The following ADGRG4 variants were observed in gnomAD, a reference collection of about 807,000 sequenced individuals.
ADGRG4 encodes the protein adhesion G protein-coupled receptor G4.
Under a neutral mutation model 126.2 loss-of-function variants are expected in ADGRG4, and 122 were observed. The observed-to-expected ratio is 0.97, with a 90% confidence interval of 0.83 to 1.12. The LOEUF is 1.12. Ranked by LOEUF, ADGRG4 falls within the 50% of genes most tolerant of loss-of-function variation. ADGRG4 has a pLI of 0.00. For synonymous variants in ADGRG4, 943 were observed against 838.7 expected (o/e 1.12, Z -2.15); for missense variants, 2,481 against 2,251.8 (o/e 1.10, Z -2.06).
At chrX:136,375,177 CT>C (rs1331173892) in intron 15 of ADGRG4, among the ~76,000 whole-genome samples, 11 of 111,566 alleles carry the variant, frequency 9.9e-5, no homozygotes, top group Non-Finnish European at 1.9e-4. Context: ...GAATAACAGC[CT>C]CTAGTTCCAT....
chrX:136,311,394 T>TACACACACACACACACAC (rs72201867), intron 4 of ADGRG4, among the ~76,000 whole-genome samples: 1 of 95,635 alleles, frequency 1.0e-5, no homozygotes, highest in African/African-American at 3.9e-5. Context: ...TCATACCATG[T>TACACACACACACACACAC]ACACACACAC....
chrX:136,324,063 T>A (rs2074857588), intron 5 of ADGRG4, among the ~76,000 whole-genome samples: 1 of 112,156 alleles, frequency 8.9e-6, no homozygotes, highest in Admixed American at 9.5e-5. Context: ...TGATGTTATA[T>A]TCTTCTCAGT....
chrX:136,349,048 C>A lies in ADGRG4; in HGVS notation c.5342C>A (p.Thr1781Lys). The A allele has an allele frequency of 8.3e-7, 1 of 1,206,005 alleles. No homozygotes were observed. Among genetic ancestry groups the A allele is most frequent in the East Asian group, 3.0e-5 (1 of 33,778 alleles). The change falls in exon 6 of 26, where the codon ACA becomes AAA. Residue 1781 changes from threonine (T) to lysine (K), a missense_variant. Thr to Lys is a moderately conservative substitution (Grantham distance 78). Transcript: ENST00000394143. The stretch of plus-strand genomic sequence containing the variant: ...AGCTTTAAGAGTGCTTCTGGACCCA[C>A]AAAAAATGTTAAAACAACCACCAAT... ...LTSFKSASGP[T>K]KNVKTTTNCF...
chrX:136,326,808 G>A (rs1012719436), intron 5 of ADGRG4, among the ~76,000 whole-genome samples: 1 of 110,946 alleles, frequency 9.0e-6, no homozygotes, highest in African/African-American at 3.3e-5. Context: ...TCCATAGAAG[G>A]ATTATGACCT....
chrX:136,323,006 T>C lies in ADGRG4; in HGVS notation c.299T>C (p.Ile100Thr), dbSNP rs985765681. The C allele has an allele frequency of 8.3e-7, 1 of 1,211,911 alleles. No individual in the cohort carries two copies. The highest frequency in any genetic ancestry group is 3.0e-5 in the East Asian group (1 of 33,864). ...CTTGCAGGAGACCATCAGCAGCTAA[T>C]ACTATACAGATTGGGAAAGACCTTT... ...LGLAGDHQQL[I>T]LYRLGKTFSI... Residue 100 changes from isoleucine (I) to threonine (T), a missense_variant, in exon 5 of 26, where the codon ATA becomes ACA. Physicochemically the swap from Ile to Thr is moderately conservative, Grantham distance 89. Transcript: ENST00000394143.
In ADGRG4 at chrX:136,375,028, AC is replaced by A. The variant is rs767074968; in HGVS notation, c.7776+1972del. On this transcript the variant is annotated intron_variant, in intron 15 of 25. Transcript: ENST00000394143. ...CCCAATATGTAGTCTTTTATCCTTC[AC>A]CCCCCCCACCACTCTTTCCCTTGAG... Among the ~76,000 whole-genome samples, 317 of 105,940 alleles carry A rather than the reference AC, an allele frequency of 3.0e-3. 2 individuals are homozygous for A. The highest frequency in any genetic ancestry group is 6.7e-3 in the African/African-American group (195 of 28,979). The allele number at this position is 105,940 out of a possible 115,157, so 92.0% of individuals were successfully genotyped here. A position where few individuals can be genotyped will look rare whatever the true frequency, so the allele number is the denominator to read the frequency against.
intron 9 of ADGRG4, 83 bp from the exon 10 acceptor site, chrX:136,357,621 A>G (rs993597830): frequency 3.1e-6 from 2 of 652,064 alleles, no homozygotes; most frequent in Non-Finnish European, 4.8e-6. Flanking sequence ...TAATTATATA[A>G]TTGTTGTTAA....
At chrX:136,334,932 T>C (rs1228089329) in intron 5 of ADGRG4, among the ~76,000 whole-genome samples, 1 of 111,458 alleles carries the variant, frequency 9.0e-6, no homozygotes, top group African/African-American at 3.3e-5. Context: ...CGTTGAATCA[T>C]ACTGGTGAGA....
At chrX:136,334,074 C>CTCTTTCTTTCTT (rs201233200) in intron 5 of ADGRG4, among the ~76,000 whole-genome samples, 11 of 88,932 alleles carry the variant, frequency 1.2e-4, no homozygotes, top group Non-Finnish European at 2.2e-4. Context: ...GAGGTTCTCT[C>CTCTTTCTTTCTT]TCTTTCTTTC....
At position 136,323,083 on chromosome X, in the gene ADGRG4, T is replaced by C; in HGVS notation, c.376T>C (p.Trp126Arg). The change falls in exon 5 of 26, where the codon TGG becomes CGG. Residue 126 changes from tryptophan (W) to arginine (R), a missense_variant. Coordinates refer to ENST00000394143, the MANE Select transcript of ADGRG4 (RefSeq NM_153834.4). ...TCAATGGCATACAATATGCTTGATATGGGATGGTGTGAAGGGCAAATTAGA... is the reference window on the plus strand; with the variant it reads ...TCAATGGCATACAATATGCTTGATACGGGATGGTGTGAAGGGCAAATTAGA... ...SFQWHTICLI[W>R]DGVKGKLELF... 8.3e-7 allele frequency: 1 copy of C among 1,210,895 alleles called. No homozygotes were observed. The highest frequency in any genetic ancestry group is 1.1e-6 in the Non-Finnish European group (1 of 894,822).
At chrX:136,351,769 G>A (rs192755619) in intron 7 of ADGRG4, among the ~76,000 whole-genome samples, 189 of 108,484 alleles carry the variant, frequency 1.7e-3, no homozygotes, top group Middle Eastern at 4.7e-3. Context: ...AAGCTTTTAT[G>A]GAACGTTATT....
chrX:136,341,782 A>T (rs756813302), intron 5 of ADGRG4, among the ~76,000 whole-genome samples: 1 of 111,962 alleles, frequency 8.9e-6, no homozygotes, highest in Non-Finnish European at 1.9e-5. Flanking sequence ...CTTGCTAATG[A>T]CCACAAAATC....
In ADGRG4 at chrX:136,344,690, C is replaced by T. The variant is rs752121077; in HGVS notation, c.984C>T (p.Thr328=). ...CTTCATCAGCCATCTCTCTGCCTAC[C>T]CAGAGTATATCCATAGACAATACTA... ...LSTSSAISLP[T]QSISIDNTTN... The change falls in exon 6 of 26, where the codon ACC becomes ACT. Residue 328 remains threonine, a synonymous_variant. Coordinates refer to ENST00000394143, the MANE Select transcript of ADGRG4 (RefSeq NM_153834.4). The T allele has an allele frequency of 2.5e-6, 3 of 1,203,654 alleles. No individual in the cohort carries two copies. The African/African-American group carries it at 5.3e-5, about 21-fold the overall frequency.
At chrX:136,355,232 C>T (rs2075086258) in intron 8 of ADGRG4, among the ~76,000 whole-genome samples, 1 of 110,230 alleles carries the variant, frequency 9.1e-6, no homozygotes, top group Non-Finnish European at 1.9e-5. Context: ...TACACACACA[C>T]ACACACACAC....
intron 15 of ADGRG4, among the ~76,000 whole-genome samples, chrX:136,382,769 C>T (rs1057232771): frequency 9.0e-6 from 1 of 111,336 alleles, no homozygotes; most frequent in African/African-American, 3.3e-5. Context: ...AACACTGTAA[C>T]TCCCTTCTTA....
At chrX:136,384,759 G>A (rs958378012) in intron 15 of ADGRG4, among the ~76,000 whole-genome samples, 2 of 110,924 alleles carry the variant, frequency 1.8e-5, no homozygotes, top group South Asian at 7.6e-4. Flanking sequence ...CTCTCTTCTG[G>A]CCTTTATGTT....
At chrX:136,301,575 G>T (rs1442563590) in intron 1 of ADGRG4, among the ~76,000 whole-genome samples, 1 of 112,015 alleles carries the variant, frequency 8.9e-6, no homozygotes, top group African/African-American at 3.2e-5. Context: ...TTGCTGTGCA[G>T]AAGCCCTTTA....
At chrX:136,393,944 T>C (rs756264512) in intron 18 of ADGRG4, among the ~76,000 whole-genome samples, 1 of 111,855 alleles carries the variant, frequency 8.9e-6, no homozygotes, top group African/African-American at 3.2e-5. Context: ...GTAAGCAAAG[T>C]TGGAAGAAAG....
Position 136,322,964 on chromosome X carries a change from A to C in ADGRG4, c.257A>C (p.Glu86Ala). ...YITNNALLGR[E>A]DIDLGLAGDH... ...ACTAATAACGCCCTCCTGGGCAGAGAAGACATAGACCTTGGACTTGCAGGA... is the reference window on the plus strand; with the variant it reads ...ACTAATAACGCCCTCCTGGGCAGAGCAGACATAGACCTTGGACTTGCAGGA... Residue 86 changes from glutamate (E) to alanine (A), a missense_variant, in exon 5 of 26, where the codon GAA becomes GCA. Physicochemically the swap from Glu to Ala is moderately radical, Grantham distance 107. Coordinates refer to ENST00000394143, the MANE Select transcript of ADGRG4 (RefSeq NM_153834.4). 8.3e-7 allele frequency: 1 copy of C among 1,211,284 alleles called. No homozygotes were observed. The highest frequency in any genetic ancestry group is 1.1e-6 in the Non-Finnish European group (1 of 894,909).
Sources: allele counts gnomAD v4.1 joint callset (sites outside exome capture counted in the v4.1 genomes callset), GRCh38; gene constraint gnomAD v4.1.1; transcripts MANE v1.5; gene names NCBI Gene and HGNC (gene_info 2026-07-23, HGNC 2026-07-21).